Variants in KATNAL2 observed in about 807,000 individuals in gnomAD.
KATNAL2 encodes katanin p60 ATPase-containing subunit A-like 2.
A neutral mutation model predicts 76.3 loss-of-function variants in KATNAL2; 52 were observed. The observed-to-expected ratio is 0.68, with a 90% CI of 0.55 to 0.86. The LOEUF is 0.86. Ranked by LOEUF, KATNAL2 falls within the 40% of genes least tolerant of loss-of-function variation. The pLI, the probability that KATNAL2 is intolerant of heterozygous loss-of-function variation, is 0.00. For synonymous variants in KATNAL2, 243 were observed against 244.2 expected (o/e 1.00, Z 0.05); for missense variants, 660 against 668.9 (o/e 0.99, Z 0.15).
At chr18:46,924,741 C>T (rs2058676249) in intron 1 of KATNAL2, among the ~76,000 whole-genome samples, 1 of 152,156 alleles carries the variant, frequency 6.6e-6, no homozygotes, top group Non-Finnish European at 1.5e-5. Flanking sequence ...TTTGTATCCT[C>T]TTGTATTTCG....
chr18:47,054,701 C>A, intron 6 of KATNAL2: 1 of 401,170 alleles, frequency 2.5e-6, no homozygotes, highest in South Asian at 6.1e-5. Context: ...AAAGTCTTAA[C>A]CTCAAAGGTT....
At chr18:47,077,324 G>A in intron 14 of KATNAL2, 27 bp from the exon 15 acceptor site, 1 of 1,549,606 alleles carries the variant, frequency 6.5e-7, no homozygotes, top group Non-Finnish European at 8.9e-7. Flanking sequence ...CTGACACTTA[G>A]GAGAATCACG....
intron 3 of KATNAL2, among the ~76,000 whole-genome samples, chr18:46,961,842 G>A (rs1205464804): frequency 1.3e-5 from 2 of 152,144 alleles, no homozygotes; most frequent in Non-Finnish European, 1.5e-5. Flanking sequence ...AACACTGCCA[G>A]TTTTGTCAGT....
intron 15 of KATNAL2, chr18:47,084,325 TC>T: frequency 1.4e-6 from 1 of 702,904 alleles, no homozygotes; most frequent in East Asian, 2.7e-5. Context: ...CCTTGTTCTT[TC>T]CATAGTAACC....
intron 3 of KATNAL2, among the ~76,000 whole-genome samples, chr18:46,956,708 G>A (rs1156671776): frequency 6.6e-6 from 1 of 152,150 alleles, no homozygotes; most frequent in Non-Finnish European, 1.5e-5. Flanking sequence ...GAGCTTCTCA[G>A]TCTTTAGTGT....
chr18:46,928,061 G>C (rs544113398), intron 1 of KATNAL2, among the ~76,000 whole-genome samples: 2 of 151,912 alleles, frequency 1.3e-5, no homozygotes, highest in Non-Finnish European at 2.9e-5. Context: ...TAGTTTGATC[G>C]TCTGAAGCCT....
At chr18:47,039,360 T>G (rs1274726111) in intron 3 of KATNAL2, among the ~76,000 whole-genome samples, 1 of 152,150 alleles carries the variant, frequency 6.6e-6, no homozygotes, top group Non-Finnish European at 1.5e-5. Context: ...CAAAGAGAAA[T>G]TCTGTACCCT....
Position 47,089,318 on chromosome 18 carries a change from G to T in KATNAL2, c.1212-9925G>T, listed in dbSNP as rs115031513. 5.3e-3 allele frequency among the ~76,000 whole-genome samples: 806 copies of T among 152,300 alleles called. 3 individuals are homozygous for T. The highest frequency in any genetic ancestry group is 0.018 in the African/African-American group (767 of 41,562). On this transcript the variant is annotated intron_variant, in intron 15 of 17. Coordinates refer to ENST00000683218, the MANE Select transcript of KATNAL2 (RefSeq NM_001387690.1). ...CTTTTTAAGGGACTGTATAACAAGAGAAGCTAGTTTATCTTTTTGCTGGAA... is the reference window on the plus strand; with the variant it reads ...CTTTTTAAGGGACTGTATAACAAGATAAGCTAGTTTATCTTTTTGCTGGAA...
chr18:46,924,055 A>G (rs1478271235), intron 1 of KATNAL2, among the ~76,000 whole-genome samples: 1 of 152,014 alleles, frequency 6.6e-6, no homozygotes, highest in Non-Finnish European at 1.5e-5. Context: ...AGTTTCTTTC[A>G]CTGTGCAGAA....
chr18:47,031,667 G>A (rs2060456825), intron 3 of KATNAL2, among the ~76,000 whole-genome samples: 1 of 152,124 alleles, frequency 6.6e-6, no homozygotes. Context: ...TAGTAGAGAT[G>A]GGATCTTTTT....
intron 15 of KATNAL2, chr18:47,098,345 C>CG: frequency 4.0e-6 from 1 of 252,196 alleles, no homozygotes; most frequent in Non-Finnish European, 8.0e-6. Context: ...AGAATCATGG[C>CG]GGGGGGCAAA....
intron 3 of KATNAL2, among the ~76,000 whole-genome samples, chr18:47,041,678 C>T (rs1461947624): frequency 6.6e-6 from 1 of 152,170 alleles, no homozygotes; most frequent in Non-Finnish European, 1.5e-5. Flanking sequence ...GTGCCAGTTT[C>T]TCTGTGAACA....
Position 47,068,706 on chromosome 18 carries a change from C to G in KATNAL2, c.826-514C>G, listed in dbSNP as rs116179575. Among the ~76,000 whole-genome samples the G allele has an allele frequency of 8.9e-3, 1,352 of 152,322 alleles. 28 individuals carry two copies. Among genetic ancestry groups the G allele is most frequent in the African/African-American group, 0.031 (1,284 of 41,564 alleles). On this transcript the variant is annotated intron_variant, in intron 11 of 17. Transcript: ENST00000683218. ...AATAGGAGAGACTTCCTGAAGGCTA[C>G]GCATGTCCTGTTCAGCGTTGGTGTC...
At chr18:47,084,845 T>A (rs933379179) in intron 15 of KATNAL2, among the ~76,000 whole-genome samples, 18 of 32,162 alleles carry the variant, frequency 5.6e-4, no homozygotes, top group Non-Finnish European at 1.1e-3. Flanking sequence ...CAAGACTCTG[T>A]CTAAAAAAAA....
At chr18:47,090,647 T>C (rs1188410195) in intron 15 of KATNAL2, among the ~76,000 whole-genome samples, 1 of 151,924 alleles carries the variant, frequency 6.6e-6, no homozygotes, top group Non-Finnish European at 1.5e-5. Flanking sequence ...TGACATATAG[T>C]TTTAAAAGCC....
At chr18:46,946,964 C>T (rs1352623662) in intron 3 of KATNAL2, 41 bp downstream of exon 3, 6 of 1,270,288 alleles carry the variant, frequency 4.7e-6, no homozygotes, top group East Asian at 5.0e-5. Flanking sequence ...ACCAAGAACC[C>T]CTCTCCTACT....
At chr18:47,056,667 T>C (rs559294046) in intron 6 of KATNAL2, among the ~76,000 whole-genome samples, 2 of 152,376 alleles carry the variant, frequency 1.3e-5, no homozygotes, top group Admixed American at 6.5e-5. Flanking sequence ...CATTGCTTTG[T>C]ACATTAGTGC....
intron 16 of KATNAL2, among the ~76,000 whole-genome samples, chr18:47,099,873 AAC>A (rs2063396505): frequency 6.6e-6 from 1 of 152,150 alleles, no homozygotes; most frequent in African/African-American, 2.4e-5. Context: ...TGAACATTTG[AAC>A]ACAATGTTCT....
At chr18:46,949,257 CCTT>C (rs2059477866) in intron 3 of KATNAL2, among the ~76,000 whole-genome samples, 2 of 151,864 alleles carry the variant, frequency 1.3e-5, no homozygotes. Context: ...TTCTCCTTCT[CCTT>C]CTTCTTTTCT....
Sources: gnomAD v4.1 joint callset for allele counts (sites outside exome capture counted in the v4.1 genomes callset) on GRCh38, gnomAD v4.1.1 for gene constraint, MANE v1.5 for transcripts, NCBI Gene and HGNC (gene_info 2026-07-23, HGNC 2026-07-21) for gene names.